CHSY3: variants seen among roughly 807,000 people sequenced by gnomAD.
CHSY3 encodes the protein N-acetylgalactosaminyl-proteoglycan 3-beta-glucuronosyltransferase 3.
Under a neutral mutation model 67.2 loss-of-function variants are expected in CHSY3, and 35 were observed. The observed-to-expected ratio is 0.52, with a 90% CI of 0.40 to 0.69. The LOEUF (loss-of-function observed/expected upper bound fraction) is 0.69. Ranked by LOEUF, CHSY3 falls within the 30% of genes least tolerant of loss-of-function variation. The probability of loss-of-function intolerance (pLI) is 0.00; values close to 1 mark genes in which losing one functional copy is unlikely to be tolerated. For synonymous variants in CHSY3, 474 were observed against 434.7 expected, an observed-to-expected ratio of 1.09 and a Z score of -1.12; for missense variants, 1,069 against 1,138.5, an observed-to-expected ratio of 0.94 and a Z score of 0.88.
intron 2 of CHSY3, among the ~76,000 whole-genome samples, chr5:129,930,332 C>CA (rs57461404): frequency 0.02 from 1,446 of 73,932 alleles, 27 homozygotes; most frequent in African/African-American, 0.054. Flanking sequence ...GACTCTATCT[C>CA]AAAAAAAAAA....
chr5:130,151,622 C>T (rs1211166412), intron 2 of CHSY3, among the ~76,000 whole-genome samples: 1 of 152,122 alleles, frequency 6.6e-6, no homozygotes, highest in East Asian at 1.9e-4. Context: ...CCTCAGGAAA[C>T]TTACAGTCAT....
At chr5:130,131,914 A>G (rs1301421002) in intron 2 of CHSY3, among the ~76,000 whole-genome samples, 1 of 152,114 alleles carries the variant, frequency 6.6e-6, no homozygotes, top group African/African-American at 2.4e-5. Flanking sequence ...ACACTTCTAA[A>G]TTGTATCATA....
intron 2 of CHSY3, among the ~76,000 whole-genome samples, chr5:130,077,069 C>A (rs1057242522): frequency 6.7e-6 from 1 of 149,032 alleles, no homozygotes; most frequent in Admixed American, 6.7e-5. Context: ...GCACATTGTG[C>A]ACATGTACCC....
intron 2 of CHSY3, among the ~76,000 whole-genome samples, chr5:130,076,657 T>A (rs1211705239): frequency 3.3e-5 from 5 of 152,102 alleles, no homozygotes; most frequent in Non-Finnish European, 5.9e-5. Context: ...CATAGGGTTT[T>A]ACTTTTCTTG....
chr5:129,906,912 A>G (rs1378725475), intron 1 of CHSY3, among the ~76,000 whole-genome samples: 1 of 152,196 alleles, frequency 6.6e-6, no homozygotes, highest in Non-Finnish European at 1.5e-5. Flanking sequence ...TAATCATAAT[A>G]ACTAGAGATT....
intron 2 of CHSY3, among the ~76,000 whole-genome samples, chr5:129,910,538 A>G (rs1226899274): frequency 6.6e-6 from 1 of 152,060 alleles, no homozygotes; most frequent in Admixed American, 6.6e-5. Context: ...ATATAGAGAA[A>G]TGATGGTAAA....
Position 129,905,328 on chromosome 5 carries a change from G to A in CHSY3, c.499G>A (p.Ala167Thr), listed in dbSNP as rs911926304. Residue 167 changes from alanine (A) to threonine (T), a missense_variant, in exon 1 of 3, where the codon GCC becomes ACC. Coordinates refer to ENST00000305031, the MANE Select transcript of CHSY3 (RefSeq NM_175856.5). ...SGDGGAAAPS[A>T]RPRDFLYVGV... ...GGACGGGGGCGCTGCCGCCCCGAGCGCCCGACCCCGGGACTTCCTGTACGT... is the reference window on the plus strand; with the variant it reads ...GGACGGGGGCGCTGCCGCCCCGAGCACCCGACCCCGGGACTTCCTGTACGT... The A allele has an allele frequency of 5.9e-6, 9 of 1,530,566 alleles. No individual in the cohort carries two copies. The East Asian group carries it at 9.6e-5, about 16-fold the overall frequency. The allele number at this position is 1,530,566 out of a possible 1,614,324, so 94.8% of individuals were successfully genotyped here. A position where few individuals can be genotyped will look rare whatever the true frequency, so the allele number is the denominator to read the frequency against.
chr5:130,124,039 C>CAAA (rs11297427), intron 2 of CHSY3, among the ~76,000 whole-genome samples: 920 of 57,368 alleles, frequency 0.016, no homozygotes, highest in Middle Eastern at 0.023. Flanking sequence ...GACTCCATCT[C>CAAA]AAAAAAAAAA....
intron 2 of CHSY3, among the ~76,000 whole-genome samples, chr5:129,971,060 C>T (rs552962500): frequency 9.1e-4 from 138 of 151,836 alleles, no homozygotes; most frequent in Middle Eastern, 3.4e-3. Context: ...ATATGTGAAA[C>T]TATTTAGAAG....
chr5:130,103,094 T>C (rs564087200), intron 2 of CHSY3, among the ~76,000 whole-genome samples: 16 of 152,036 alleles, frequency 1.1e-4, no homozygotes, highest in Non-Finnish European at 2.4e-4. Flanking sequence ...GATGCAAATA[T>C]GGATTCAGCC....
At chr5:130,050,277 T>C (rs1580684712) in intron 2 of CHSY3, among the ~76,000 whole-genome samples, 1 of 152,252 alleles carries the variant, frequency 6.6e-6, no homozygotes, top group Non-Finnish European at 1.5e-5. Flanking sequence ...TGAGAATCAC[T>C]CAAATTACCT....
intron 2 of CHSY3, among the ~76,000 whole-genome samples, chr5:129,968,079 A>G (rs959755314): frequency 5.9e-5 from 9 of 151,842 alleles, no homozygotes; most frequent in Admixed American, 1.3e-4. Context: ...AAATAAAGAT[A>G]CAAGAAGAGA....
At chr5:129,945,520 T>C (rs55773905) in intron 2 of CHSY3, among the ~76,000 whole-genome samples, 88,466 of 151,434 alleles carry the variant, frequency 0.58, 26,032 homozygotes, top group African/African-American at 0.67. Flanking sequence ...TGACTTTATA[T>C]ATCAAGTCCC....
chr5:130,146,470 G>C (rs542571529), intron 2 of CHSY3, among the ~76,000 whole-genome samples: 37 of 152,214 alleles, frequency 2.4e-4, no homozygotes, highest in African/African-American at 8.2e-4. Context: ...GGAGATGAAG[G>C]GGGAGAGGCT....
chr5:130,077,944 T>C (rs568040520), intron 2 of CHSY3, among the ~76,000 whole-genome samples: 1 of 152,234 alleles, frequency 6.6e-6, no homozygotes, highest in East Asian at 1.9e-4. Context: ...TAAATGTGAA[T>C]ATGTAGCCAT....
intron 2 of CHSY3, among the ~76,000 whole-genome samples, chr5:130,110,007 C>T (rs1185263230): frequency 6.6e-6 from 1 of 151,778 alleles, no homozygotes; most frequent in Non-Finnish European, 1.5e-5. Context: ...TAATTAATTA[C>T]TAAAGAAAAG....
intron 2 of CHSY3, among the ~76,000 whole-genome samples, chr5:129,931,537 T>C (rs1442467147): frequency 6.6e-6 from 1 of 152,144 alleles, no homozygotes; most frequent in Non-Finnish European, 1.5e-5. Context: ...TAATAATGTA[T>C]TTTACTAAAG....
upstream of CHSY3, among the ~76,000 whole-genome samples, chr5:129,904,285 G>A (rs1760137415): frequency 6.6e-6 from 1 of 152,078 alleles, no homozygotes; most frequent in South Asian, 2.1e-4. Context: ...GGCGCGGACG[G>A]GGGGCGTCCA....
intron 2 of CHSY3, among the ~76,000 whole-genome samples, chr5:129,971,958 C>A (rs2149614373): frequency 6.6e-6 from 1 of 152,100 alleles, no homozygotes; most frequent in Admixed American, 6.6e-5. Flanking sequence ...CTATTTTAAA[C>A]ATCTCTTCAT....
Sources: allele counts gnomAD v4.1 joint callset (sites outside exome capture counted in the v4.1 genomes callset), GRCh38; gene constraint gnomAD v4.1.1; transcripts MANE v1.5; gene names NCBI Gene and HGNC (gene_info 2026-07-23, HGNC 2026-07-21).